GABRA2: variants seen among roughly 807,000 people sequenced by gnomAD.
The protein encoded by GABRA2 is gamma-aminobutyric acid type A receptor subunit alpha2.
In GABRA2, 16 loss-of-function variants were observed where a neutral mutation model predicts 48.7. The observed-to-expected ratio is 0.33, with a 90% CI of 0.22 to 0.50. The LOEUF (loss-of-function observed/expected upper bound fraction) is 0.50. Among genes scored for constraint, GABRA2 ranks in the 20% least tolerant of loss-of-function variants. The pLI is 0.98. For synonymous variants in GABRA2, 185 were observed against 184.5 expected, an observed-to-expected ratio of 1.00 and a Z score of -0.02; for missense variants, 275 against 535.6, an observed-to-expected ratio of 0.51 and a Z score of 4.80.
intron 8 of GABRA2, among the ~76,000 whole-genome samples, chr4:46,282,169 T>G (rs1228923674): frequency 1.3e-5 from 2 of 152,220 alleles, no homozygotes; most frequent in Non-Finnish European, 2.9e-5. Context: ...ATCCTTCTAA[T>G]GACAACCTCT....
rs191422343 is a variant in GABRA2 at position 46,329,257 on chromosome 4, C to T, written c.255+3358G>A. On this transcript the variant is annotated intron_variant, in intron 4 of 9. Coordinates refer to ENST00000381620, the MANE Select transcript of GABRA2 (RefSeq NM_000807.4). Reference sequence around the variant, plus strand: ...CTGATGGATCCTATAAATACTGCTCCTCTGCCAGCTAATACAATGTCAGGT... The same window carrying T: ...CTGATGGATCCTATAAATACTGCTCTTCTGCCAGCTAATACAATGTCAGGT... Among the ~76,000 whole-genome samples, 209 of 152,198 alleles carry T rather than the reference C, an allele frequency of 1.4e-3. 2 individuals are homozygous for T. The highest frequency in any genetic ancestry group is 4.9e-3 in the African/African-American group (205 of 41,550).
chr4:46,389,615 A>C, intron 1 of GABRA2, 120 bp downstream of exon 1: 1 of 543,358 alleles, frequency 1.8e-6, no homozygotes, highest in Non-Finnish European at 2.3e-6. Context: ...AGGTGCGGGA[A>C]TTGAGCCTCC....
intron 3 of GABRA2, chr4:46,368,038 C>T (rs1714311317): frequency 6.6e-6 from 1 of 152,068 alleles, no homozygotes; most frequent in Non-Finnish European, 1.5e-5. Flanking sequence ...CCCCTGGACA[C>T]AGTGGCTAGC....
chr4:46,323,100 C>G (rs1578047096), intron 4 of GABRA2, among the ~76,000 whole-genome samples: 1 of 151,430 alleles, frequency 6.6e-6, no homozygotes, highest in Admixed American at 6.6e-5. Flanking sequence ...CAACACATAC[C>G]AAAAAAGGCA....
At chr4:46,291,914 A>G (rs1360187077) in intron 8 of GABRA2, among the ~76,000 whole-genome samples, 5 of 151,966 alleles carry the variant, frequency 3.3e-5, no homozygotes, top group Non-Finnish European at 7.4e-5. Context: ...TTAAGGATGC[A>G]GTTCTTTCAT....
chr4:46,339,353 G>A (rs1187895476), intron 3 of GABRA2, among the ~76,000 whole-genome samples: 1 of 151,812 alleles, frequency 6.6e-6, no homozygotes, highest in African/African-American at 2.4e-5. Flanking sequence ...CTGTAAAATA[G>A]TATTTGTCTA....
intron 3 of GABRA2, among the ~76,000 whole-genome samples, chr4:46,345,728 T>G (rs774316427): frequency 1.3e-5 from 2 of 151,812 alleles, no homozygotes; most frequent in African/African-American, 4.8e-5. Context: ...AATAAATCCA[T>G]GTTTTAGAGT....
In GABRA2 at chr4:46,389,008, C is replaced by G. The variant is rs201113284; in HGVS notation, c.-10-292G>C. On this transcript the variant is annotated intron_variant, in intron 1 of 9. Transcript: ENST00000381620. ...CTCTCTGCCAGGAACGTCCCCCAGC[C>G]TCATCGTCAGCAAACACTGTTTTGC... The G allele has an allele frequency of 4.1e-3, 4,930 of 1,192,696 alleles. 12 individuals carry two copies. Among genetic ancestry groups the G allele is most frequent in the Non-Finnish European group, 4.7e-3 (4,549 of 959,278 alleles). The allele number at this position is 1,192,696 out of a possible 1,614,324, so 73.9% of individuals were successfully genotyped here. A position where few individuals can be genotyped will look rare whatever the true frequency, so the allele number is the denominator to read the frequency against.
intron 8 of GABRA2, among the ~76,000 whole-genome samples, chr4:46,294,678 G>T (rs1023977781): frequency 2.0e-5 from 3 of 152,174 alleles, no homozygotes; most frequent in African/African-American, 7.2e-5. Flanking sequence ...GACCCCCATA[G>T]GTGAACCCCA....
At chr4:46,299,270 T>C (rs1324509249) in intron 8 of GABRA2, among the ~76,000 whole-genome samples, 1 of 151,880 alleles carries the variant, frequency 6.6e-6, no homozygotes, top group Non-Finnish European at 1.5e-5. Flanking sequence ...AAAATTTATA[T>C]AGGTGCGTAC....
chr4:46,258,350 T>A (rs370186487), intron 9 of GABRA2, among the ~76,000 whole-genome samples: 2 of 151,630 alleles, frequency 1.3e-5, no homozygotes. Flanking sequence ...AAGAACAGAG[T>A]ACTGCACACA....
At chr4:46,254,079 G>T (rs1328177918) in intron 9 of GABRA2, among the ~76,000 whole-genome samples, 1 of 151,462 alleles carries the variant, frequency 6.6e-6, no homozygotes, top group Non-Finnish European at 1.5e-5. Context: ...ATAAGACACA[G>T]ATTTGATAGT....
chr4:46,274,298 T>C (rs1720069516), intron 8 of GABRA2, among the ~76,000 whole-genome samples: 1 of 152,036 alleles, frequency 6.6e-6, no homozygotes, highest in African/African-American at 2.4e-5. Context: ...GTAACCTAAC[T>C]CAGAAGTCCA....
chr4:46,389,924 C>T lies in GABRA2; in HGVS notation c.-200G>A. 1 of 986,054 alleles carries T rather than the reference C, an allele frequency of 1.0e-6. No homozygotes were observed. Among genetic ancestry groups the T allele is most frequent in the African/African-American group, 1.8e-5 (1 of 56,330 alleles). The allele number at this position is 986,054 out of a possible 1,614,324, so 61.1% of individuals were successfully genotyped here. On this transcript the variant is annotated 5_prime_UTR_variant, in exon 1 of 10. Coordinates refer to ENST00000381620, the MANE Select transcript of GABRA2 (RefSeq NM_000807.4). ...GGCTGGTGGAAGCCGGAGAGGAGCG[C>T]TAGGAGCCGCGGCGGCGGCGCGAGG...
intron 8 of GABRA2, among the ~76,000 whole-genome samples, chr4:46,283,809 G>T (rs1301029367): frequency 1.3e-5 from 2 of 152,198 alleles, no homozygotes; most frequent in Non-Finnish European, 2.9e-5. Context: ...ACCCAGGCCG[G>T]AGTGCAGTGG....
rs1004687839 is a variant in GABRA2, at chr4:46,243,977, G to A, written c.*6331C>T. 1 of 151,526 alleles carries A rather than the reference G, an allele frequency of 6.6e-6. No individual in the cohort carries two copies. Among genetic ancestry groups the A allele is most frequent in the South Asian group, 2.1e-4 (1 of 4,828 alleles). The allele number at this position is 151,526 out of a possible 1,614,324, so 9.4% of individuals were successfully genotyped here. On this transcript the variant is annotated 3_prime_UTR_variant, in exon 10 of 10. Coordinates refer to ENST00000381620, the MANE Select transcript of GABRA2 (RefSeq NM_000807.4). ...CTGGAAACATTTCATGAAAGGTGAT[G>A]TTCCTTAGTTTGAAGCACATCAAAA...
chr4:46,297,990 C>G (rs1383350908), intron 8 of GABRA2, among the ~76,000 whole-genome samples: 1 of 151,878 alleles, frequency 6.6e-6, no homozygotes, highest in African/African-American at 2.4e-5. Flanking sequence ...ATTATTTAAT[C>G]CATTTGTTGT....
intron 6 of GABRA2, 74 bp from the exon 7 acceptor site, chr4:46,305,785 G>A: frequency 9.3e-7 from 1 of 1,076,080 alleles, no homozygotes; most frequent in Non-Finnish European, 1.4e-6. Flanking sequence ...GAACGGTTGT[G>A]TATTTCATAC....
intron 3 of GABRA2, among the ~76,000 whole-genome samples, chr4:46,348,577 A>C (rs1734566854): frequency 6.6e-6 from 1 of 152,016 alleles, no homozygotes; most frequent in Non-Finnish European, 1.5e-5. Flanking sequence ...CATATACACC[A>C]TGGAATACTA....
Sources: gnomAD v4.1 joint callset for allele counts (sites outside exome capture counted in the v4.1 genomes callset) on GRCh38, gnomAD v4.1.1 for gene constraint, MANE v1.5 for transcripts, NCBI Gene and HGNC (gene_info 2026-07-23, HGNC 2026-07-21) for gene names.